Variants in RNGTT observed in about 807,000 individuals in gnomAD.
RNGTT encodes RNA guanylyltransferase and 5'-phosphatase, also known as mRNA-capping enzyme.
Under a neutral mutation model 79.3 loss-of-function variants are expected in RNGTT, and 33 were observed. The observed-to-expected ratio is 0.42, with a 90% CI of 0.32 to 0.56. RNGTT has a LOEUF of 0.56. Among genes scored for constraint, RNGTT ranks in the 20% least tolerant of loss-of-function variants. RNGTT has a pLI of 0.17. For missense variants in RNGTT, 497 were observed against 739.1 expected (o/e 0.67, Z 3.80); for synonymous variants, 222 against 235.9 (o/e 0.94, Z 0.54).
intron 13 of RNGTT, among the ~76,000 whole-genome samples, chr6:88,699,329 G>A (rs1313792469): frequency 6.6e-6 from 1 of 151,988 alleles, no homozygotes; most frequent in Non-Finnish European, 1.5e-5. Context: ...TGATTATTTT[G>A]TACACCAATG....
chr6:88,887,931 C>A (rs1464843273), intron 8 of RNGTT, among the ~76,000 whole-genome samples: 1 of 152,114 alleles, frequency 6.6e-6, no homozygotes, highest in Non-Finnish European at 1.5e-5. Flanking sequence ...GCCTGGGCAA[C>A]ATGGCAAGAT....
chr6:88,692,137 G>T (rs532048108), intron 13 of RNGTT, among the ~76,000 whole-genome samples: 2 of 152,162 alleles, frequency 1.3e-5, no homozygotes, highest in African/African-American at 4.8e-5. Context: ...ACAACAGGTA[G>T]AGCAAGCCAG....
In RNGTT at chr6:88,783,532, T is replaced by G. The variant is rs9451082; in HGVS notation, c.1339-13658A>C. ...GCTGTATGCCCTAAATACATACAAT[T>G]TCTATACGTCAAAAAAGTTAAATTG... is the stretch of plus-strand genomic sequence containing the variant. On this transcript the variant is annotated intron_variant, in intron 12 of 15. Transcript: ENST00000369485. 9.7e-3 allele frequency among the ~76,000 whole-genome samples: 1,483 copies of G among 152,250 alleles called. 17 individuals carry two copies. The highest frequency in any genetic ancestry group is 0.033 in the African/African-American group (1,391 of 41,548).
At chr6:88,773,465 TATA>T (rs1384124548) in intron 12 of RNGTT, among the ~76,000 whole-genome samples, 1 of 148,334 alleles carries the variant, frequency 6.7e-6, no homozygotes, top group Non-Finnish European at 1.5e-5. Context: ...AAACTTAAAG[TATA>T]ATAATAATAA....
intron 12 of RNGTT, among the ~76,000 whole-genome samples, chr6:88,777,736 C>T (rs1778935232): frequency 6.6e-6 from 1 of 152,166 alleles, no homozygotes; most frequent in Admixed American, 6.5e-5. Flanking sequence ...ATGTCATCTG[C>T]AAACAGAGAT....
At chr6:88,707,132 A>G (rs1021861716) in intron 13 of RNGTT, among the ~76,000 whole-genome samples, 4 of 152,210 alleles carry the variant, frequency 2.6e-5, no homozygotes, top group African/African-American at 4.8e-5. Context: ...AATCATTTAC[A>G]TTTTATTGTA....
chr6:88,681,789 C>T (rs776391581), intron 13 of RNGTT, among the ~76,000 whole-genome samples: 34 of 152,032 alleles, frequency 2.2e-4, no homozygotes, highest in Non-Finnish European at 4.3e-4. Context: ...TTAAGTTAGG[C>T]GAACATTACC....
intron 14 of RNGTT, among the ~76,000 whole-genome samples, chr6:88,615,904 T>A (rs188481782): frequency 2.0e-5 from 3 of 152,300 alleles, no homozygotes; most frequent in Admixed American, 2.0e-4. Flanking sequence ...ATCTTAACCA[T>A]TTTTAAGTGT....
intron 12 of RNGTT, among the ~76,000 whole-genome samples, chr6:88,783,112 T>TATGCACAAAA (rs1164914626): frequency 1.3e-5 from 2 of 152,154 alleles, no homozygotes; most frequent in Non-Finnish European, 2.9e-5. Context: ...ACTGCAGCTT[T>TATGCACAAAA]ATGCACAATA....
chr6:88,731,141 AC>A lies in RNGTT; in HGVS notation c.1439+38632del, dbSNP rs200266292. The stretch of plus-strand genomic sequence containing the variant: ...CTATTTAAGAAAAAGTTCTTAGAGA[AC>A]CCAAAAACAACAAAGGAAAGAATAA... On this transcript the variant is annotated intron_variant, in intron 13 of 15. Transcript: ENST00000369485. Among the ~76,000 whole-genome samples the A allele has an allele frequency of 1.1e-4, 16 of 152,254 alleles. No individual in the cohort carries two copies. The East Asian group carries it at 3.1e-3, about 29-fold the overall frequency.
At chr6:88,686,802 C>T (rs904292128) in intron 13 of RNGTT, among the ~76,000 whole-genome samples, 5 of 152,066 alleles carry the variant, frequency 3.3e-5, no homozygotes, top group African/African-American at 1.2e-4. Flanking sequence ...AAGAGATAGA[C>T]TAAGATCCAA....
At chr6:88,677,279 G>C (rs533145877) in intron 14 of RNGTT, among the ~76,000 whole-genome samples, 1 of 121,962 alleles carries the variant, frequency 8.2e-6, no homozygotes, top group South Asian at 2.6e-4. Flanking sequence ...GTTGCCTGGA[G>C]ACCAGGAAAA....
At chr6:88,878,080 A>G (rs555214795) in intron 8 of RNGTT, among the ~76,000 whole-genome samples, 29 of 137,072 alleles carry the variant, frequency 2.1e-4, no homozygotes, top group African/African-American at 5.9e-4. Flanking sequence ...TCATTTGTTT[A>G]TTTATTTATT....
chr6:88,762,114 G>A (rs1307825677), intron 13 of RNGTT, among the ~76,000 whole-genome samples: 3 of 152,182 alleles, frequency 2.0e-5, no homozygotes, highest in African/African-American at 7.2e-5. Context: ...GGAGAGCTTA[G>A]GGTAATCAGG....
intron 13 of RNGTT, among the ~76,000 whole-genome samples, chr6:88,691,233 G>T (rs2610759): frequency 0.27 from 40,502 of 151,982 alleles, 9,455 homozygotes; most frequent in African/African-American, 0.63. Context: ...CCCCCTTTGC[G>T]CTCTCTTCCT....
At chr6:88,887,717 A>C (rs571170726) in intron 8 of RNGTT, among the ~76,000 whole-genome samples, 2 of 152,340 alleles carry the variant, frequency 1.3e-5, no homozygotes, top group East Asian at 3.9e-4. Flanking sequence ...AGGAGGAACA[A>C]AATCAACAAA....
chr6:88,824,339 C>A (rs1582505668), intron 11 of RNGTT, among the ~76,000 whole-genome samples: 1 of 152,202 alleles, frequency 6.6e-6, no homozygotes, highest in African/African-American at 2.4e-5. Flanking sequence ...AACTCTAACA[C>A]ACTGGTAAGT....
At chr6:88,771,539 C>A (rs1026919723) in intron 12 of RNGTT, among the ~76,000 whole-genome samples, 3 of 151,732 alleles carry the variant, frequency 2.0e-5, no homozygotes, top group African/African-American at 7.3e-5. Flanking sequence ...ATTTACATTT[C>A]CACATACATT....
intron 13 of RNGTT, among the ~76,000 whole-genome samples, chr6:88,693,287 T>C (rs1232485251): frequency 6.6e-6 from 1 of 151,882 alleles, no homozygotes; most frequent in African/African-American, 2.4e-5. Flanking sequence ...AGAAGAGATA[T>C]TACAACGGAT....
Sources: gnomAD v4.1 joint callset for allele counts (sites outside exome capture counted in the v4.1 genomes callset) on GRCh38, gnomAD v4.1.1 for gene constraint, MANE v1.5 for transcripts, NCBI Gene and HGNC (gene_info 2026-07-23, HGNC 2026-07-21) for gene names.